Variants in GLIPR2 observed in about 807,000 individuals in gnomAD.
GLIPR2 encodes GLI pathogenesis related 2.
GLIPR2 carries 21 observed loss-of-function variants against 20.4 expected under a neutral mutation model. That is an observed-to-expected ratio of 1.03 (90% CI 0.73 to 1.48). GLIPR2 has a LOEUF of 1.48. GLIPR2 is among the 40% of genes most tolerant of loss of function. The probability of loss-of-function intolerance (pLI) is 0.00; values close to 1 mark genes in which losing one functional copy is unlikely to be tolerated. For missense variants in GLIPR2, 205 were observed against 200.1 expected (o/e 1.02, Z -0.15); for synonymous variants, 91 against 80.5 (o/e 1.13, Z -0.70).
intron 2 of GLIPR2, 129 bp downstream of exon 2, chr9:36,148,023 G>A (rs566347410): frequency 3.7e-5 from 26 of 696,086 alleles, no homozygotes; most frequent in South Asian, 8.7e-5. Flanking sequence ...CAAGGCGGGC[G>A]GATCACCTGA....
At chr9:36,151,612 AG>A (rs1358677818) in intron 4 of GLIPR2, among the ~76,000 whole-genome samples, 1 of 152,002 alleles carries the variant, frequency 6.6e-6, no homozygotes, top group Non-Finnish European at 1.5e-5. Flanking sequence ...GGGGAGAGGG[AG>A]AAGGTGGCTT....
chr9:36,150,704 G>A (rs74802925), intron 3 of GLIPR2, among the ~76,000 whole-genome samples, 168 bp from the exon 4 acceptor site: 5,357 of 152,264 alleles, frequency 0.035, 303 homozygotes, highest in African/African-American at 0.12. Context: ...CTCATGGGCA[G>A]GAGTCCCTGA....
Position 36,136,764 on chromosome 9 carries a change from C to A in GLIPR2, c.-15C>A. 2 of 1,288,694 alleles carry A rather than the reference C, an allele frequency of 1.6e-6. No individual in the cohort carries two copies. Among genetic ancestry groups the A allele is most frequent in the Non-Finnish European group, 2.0e-6 (2 of 1,020,586 alleles). 79.8% of individuals were successfully genotyped at this position (1,288,694 alleles called of 1,614,324 possible). A position where few individuals can be genotyped will look rare whatever the true frequency, so the allele number is the denominator to read the frequency against. On this transcript the variant is annotated 5_prime_UTR_variant, in exon 1 of 5. Coordinates refer to ENST00000377960, the MANE Select transcript of GLIPR2 (RefSeq NM_022343.4). The surrounding 1 kb of genome is among the most constrained non-coding windows in gnomAD (Gnocchi z 4.3). ...CAGCGCAGCCGCGGGGAGCGAGGAGCGCGCGGAGCCGGCCATGGGCAAGTC... is the reference window on the plus strand; with the variant it reads ...CAGCGCAGCCGCGGGGAGCGAGGAGAGCGCGGAGCCGGCCATGGGCAAGTC...
intron 4 of GLIPR2, among the ~76,000 whole-genome samples, chr9:36,154,195 C>T (rs566635740): frequency 1.1e-4 from 17 of 151,324 alleles, no homozygotes; most frequent in Admixed American, 5.9e-4. Flanking sequence ...TCCAGGTTCA[C>T]GCGATTCTCC....
chr9:36,162,093 C>T (rs547414841), intron 4 of GLIPR2: 6 of 523,310 alleles, frequency 1.1e-5, no homozygotes, highest in Non-Finnish European at 1.5e-5. Flanking sequence ...GAGAATCACT[C>T]GAACCCAGGA....
rs1826089252 is a variant in GLIPR2, at chr9:36,162,301, A to T, written c.305-61A>T. 1.2e-5 allele frequency: 19 copies of T among 1,599,960 alleles called. No individual in the cohort carries two copies. The South Asian group carries it at 1.9e-4, about 16-fold the overall frequency. ...CAGGGGTTCAACAATCCCCTGCCAC[A>T]TCCTTCTTCAGGCTCTGCTAATTCA... On this transcript the variant is annotated intron_variant, in intron 4 of 4. Coordinates refer to ENST00000377960, the MANE Select transcript of GLIPR2 (RefSeq NM_022343.4).
Position 36,162,797 on chromosome 9 carries a change from T to G in GLIPR2, c.*275T>G, listed in dbSNP as rs1253617320. ...GGGATCCGTTTTTTTTTTTTAATTT[T>G]TTGTTATTTCTAAGCAAACCTCTTT... On this transcript the variant is annotated 3_prime_UTR_variant, in exon 5 of 5. Coordinates refer to ENST00000377960, the MANE Select transcript of GLIPR2 (RefSeq NM_022343.4). The G allele has an allele frequency of 1.9e-6, 1 of 514,606 alleles. No homozygotes were observed. The highest frequency in any genetic ancestry group is 4.1e-5 in the East Asian group (1 of 24,342). 31.9% of individuals were successfully genotyped at this position (514,606 alleles called of 1,614,324 possible).
At chr9:36,150,788 T>A (rs1032172917) in intron 3 of GLIPR2, 84 bp from the exon 4 acceptor site, 2 of 966,978 alleles carry the variant, frequency 2.1e-6, no homozygotes, top group African/African-American at 3.2e-5. Context: ...CATTGGTGGC[T>A]TGGGGCTGAT....
At chr9:36,147,614 G>T (rs989477389) in intron 1 of GLIPR2, among the ~76,000 whole-genome samples, 172 bp from the exon 2 acceptor site, 1 of 152,242 alleles carries the variant, frequency 6.6e-6, no homozygotes, top group Admixed American at 6.5e-5. Context: ...CAGGTAGGGT[G>T]AGCAGTGGCG....
intron 1 of GLIPR2, among the ~76,000 whole-genome samples, chr9:36,138,226 T>C (rs568271031): frequency 1.4e-4 from 21 of 152,196 alleles, no homozygotes; most frequent in African/African-American, 5.1e-4. Context: ...GGCTACTTTT[T>C]TTTTTTCTTT....
At chr9:36,154,206 C>A (rs1277385234) in intron 4 of GLIPR2, among the ~76,000 whole-genome samples, 1 of 151,764 alleles carries the variant, frequency 6.6e-6, no homozygotes, top group African/African-American at 2.4e-5. Context: ...GCGATTCTCC[C>A]ACCTTAGCCT....
At chr9:36,157,697 C>T (rs974658757) in intron 4 of GLIPR2, among the ~76,000 whole-genome samples, 4 of 142,092 alleles carry the variant, frequency 2.8e-5, no homozygotes, top group African/African-American at 1.0e-4. Flanking sequence ...CACACACACA[C>T]ACACACACAC....
At chr9:36,145,137 C>G (rs1825267070) in intron 1 of GLIPR2, 1 of 152,208 alleles carries the variant, frequency 6.6e-6, no homozygotes. Flanking sequence ...AAGCCTGTGG[C>G]CTGATGGGAC....
chr9:36,142,624 G>A (rs530320624), intron 1 of GLIPR2, among the ~76,000 whole-genome samples: 11 of 152,244 alleles, frequency 7.2e-5, no homozygotes, highest in East Asian at 1.9e-4. Context: ...AAATAAGGAC[G>A]TCATCCCTGC....
intron 4 of GLIPR2, among the ~76,000 whole-genome samples, chr9:36,151,613 G>T (rs977974693): frequency 6.6e-6 from 1 of 152,146 alleles, no homozygotes; most frequent in Non-Finnish European, 1.5e-5. Flanking sequence ...GGGAGAGGGA[G>T]AAGGTGGCTT....
chr9:36,141,803 G>T (rs1325602683), intron 1 of GLIPR2: 2 of 454,852 alleles, frequency 4.4e-6, no homozygotes, highest in Admixed American at 2.4e-5. Flanking sequence ...ACAGGCGTGG[G>T]TCACCACGCA....
chr9:36,157,161 C>T lies in GLIPR2; in HGVS notation c.305-5201C>T, dbSNP rs1356246754. On this transcript the variant is annotated intron_variant, in intron 4 of 4. Transcript: ENST00000377960. Reference sequence around the variant, plus strand: ...CCTCCTGAGTAGCTGGGATTATAGGCACCCGCCATCATGCCCAGCTAATTT... The same window carrying T: ...CCTCCTGAGTAGCTGGGATTATAGGTACCCGCCATCATGCCCAGCTAATTT... Among the ~76,000 whole-genome samples the T allele has an allele frequency of 3.3e-5, 5 of 150,070 alleles. No homozygotes were observed. In the East Asian group the frequency reaches 9.8e-4, roughly 29 times the overall value.
At chr9:36,153,167 T>C (rs1202857955) in intron 4 of GLIPR2, among the ~76,000 whole-genome samples, 1 of 151,082 alleles carries the variant, frequency 6.6e-6, no homozygotes, top group Non-Finnish European at 1.5e-5. Context: ...ATTCTACCCA[T>C]TTTGAAGAGG....
chr9:36,138,983 C>T (rs1824950186), intron 1 of GLIPR2, among the ~76,000 whole-genome samples: 1 of 151,896 alleles, frequency 6.6e-6, no homozygotes, highest in African/African-American at 2.4e-5. Flanking sequence ...TAGGGTAGAT[C>T]GGATGGATGG....
Sources: gnomAD v4.1 joint callset for allele counts (sites outside exome capture counted in the v4.1 genomes callset) on GRCh38, gnomAD v4.1.1 for gene constraint, Gnocchi (gnomAD v3.1) non-coding constraint, MANE v1.5 for transcripts, NCBI Gene and HGNC (gene_info 2026-07-23, HGNC 2026-07-21) for gene names.